Variants in COL26A1 observed in about 807,000 individuals in gnomAD.
COL26A1 encodes the protein collagen type XXVI alpha 1 chain, also known as collagen alpha-1(XXVI) chain.
In COL26A1, 41 loss-of-function variants were observed where a neutral mutation model predicts 59.3. The observed-to-expected ratio is 0.69, with a 90% CI of 0.54 to 0.90. COL26A1 has a LOEUF of 0.90. COL26A1 is among the 40% of genes least tolerant of loss of function. The pLI is 0.00. For synonymous variants in COL26A1, 266 were observed against 256.0 expected (o/e 1.04, Z -0.37); for missense variants, 612 against 602.3 (o/e 1.02, Z -0.17).
chr7:101,374,112 C>T (rs1469356735), intron 1 of COL26A1, among the ~76,000 whole-genome samples: 1 of 152,322 alleles, frequency 6.6e-6, no homozygotes, highest in Non-Finnish European at 1.5e-5. Context: ...CATACACATG[C>T]CGTGCTGTTC....
At chr7:101,398,015 G>T (rs1791899980) in intron 1 of COL26A1, among the ~76,000 whole-genome samples, 1 of 152,118 alleles carries the variant, frequency 6.6e-6, no homozygotes, top group Non-Finnish European at 1.5e-5. Context: ...GAATAGCTTT[G>T]CCTGTCCTTG....
intron 3 of COL26A1, among the ~76,000 whole-genome samples, chr7:101,513,320 ATTTATT>A: frequency 6.7e-6 from 1 of 149,460 alleles, no homozygotes; most frequent in East Asian, 2.0e-4. Context: ...TATTTATTTT[ATTTATT>A]TTTATTTTTA....
At chr7:101,554,567 TAAAAAAAAAAAA>T (rs57638079) in intron 11 of COL26A1, among the ~76,000 whole-genome samples, 2 of 120,510 alleles carry the variant, frequency 1.7e-5, no homozygotes, top group East Asian at 5.0e-4. Flanking sequence ...CCCCATTTCT[TAAAAAAAAAAAA>T]AAAAAAAAAA....
chr7:101,554,638 GGAGGCT>G (rs993455820), intron 11 of COL26A1, among the ~76,000 whole-genome samples: 6 of 151,484 alleles, frequency 4.0e-5, no homozygotes, highest in Non-Finnish European at 7.4e-5. Context: ...CAGCTACTTG[GGAGGCT>G]GAGGCAGGAG....
chr7:101,495,877 C>G (rs796193457), intron 3 of COL26A1, among the ~76,000 whole-genome samples: 2 of 151,380 alleles, frequency 1.3e-5, no homozygotes, highest in African/African-American at 4.8e-5. Context: ...GATGATCACA[C>G]GAACCCAGGA....
chr7:101,446,054 A>AAAAAAAAAAAAAAAAAG (rs1793187447), intron 2 of COL26A1, among the ~76,000 whole-genome samples: 1 of 149,258 alleles, frequency 6.7e-6, no homozygotes, highest in Non-Finnish European at 1.5e-5. Context: ...CTCAAAAAAA[A>AAAAAAAAAAAAAAAAAG]AAAAAAAAAA....
intron 8 of COL26A1, among the ~76,000 whole-genome samples, chr7:101,548,838 G>A (rs62465113): frequency 0.15 from 22,664 of 152,114 alleles, 2,051 homozygotes; most frequent in Middle Eastern, 0.24. Flanking sequence ...GGGAAAGACC[G>A]GAGAGACGTA....
chr7:101,469,495 C>CTTT (rs36116265), intron 3 of COL26A1, among the ~76,000 whole-genome samples: 13 of 145,204 alleles, frequency 9.0e-5, no homozygotes, highest in African/African-American at 3.3e-4. Context: ...CGATTTCTCT[C>CTTT]TTTTTTTTTT....
chr7:101,557,347 C>A (rs11768650), intron 12 of COL26A1, 23 bp from the exon 13 acceptor site: 291,394 of 1,598,622 alleles, frequency 0.18, 28,444 homozygotes, highest in South Asian at 0.25. Flanking sequence ...TACCTCGAGT[C>A]CACCCTCCTG....
intron 1 of COL26A1, among the ~76,000 whole-genome samples, chr7:101,391,609 G>A (rs899060552): frequency 2.6e-5 from 4 of 152,224 alleles, no homozygotes; most frequent in Admixed American, 6.5e-5. Context: ...GCCCAGGCTG[G>A]AGTGCAGTGG....
At chr7:101,522,400 A>G (rs1795156827) in intron 3 of COL26A1, among the ~76,000 whole-genome samples, 1 of 152,166 alleles carries the variant, frequency 6.6e-6, no homozygotes. Context: ...TGGGTAATTT[A>G]TAAGGAACAG....
chr7:101,380,720 C>T (rs1403507380), intron 1 of COL26A1, among the ~76,000 whole-genome samples: 1 of 152,158 alleles, frequency 6.6e-6, no homozygotes, highest in East Asian at 1.9e-4. Flanking sequence ...AACTCCTGCC[C>T]AGACTTTAGA....
chr7:101,490,962 G>A (rs1794444622), intron 3 of COL26A1, among the ~76,000 whole-genome samples: 2 of 139,434 alleles, frequency 1.4e-5, no homozygotes, highest in African/African-American at 5.7e-5. Flanking sequence ...TCCAGCCTAG[G>A]GACAGAGAAT....
chr7:101,534,566 A>G (rs1328842222), intron 4 of COL26A1, among the ~76,000 whole-genome samples: 1 of 152,070 alleles, frequency 6.6e-6, no homozygotes, highest in African/African-American at 2.4e-5. Context: ...AGGGACACAC[A>G]TATGTAATAC....
At chr7:101,374,173 C>T (rs533246341) in intron 1 of COL26A1, among the ~76,000 whole-genome samples, 25 of 152,316 alleles carry the variant, frequency 1.6e-4, no homozygotes, top group Admixed American at 1.0e-3. Flanking sequence ...GGCCTTGTCT[C>T]TACCTGCCTC....
chr7:101,480,712 AG>A (rs1330192681), intron 3 of COL26A1, among the ~76,000 whole-genome samples: 1 of 152,112 alleles, frequency 6.6e-6, no homozygotes, highest in African/African-American at 2.4e-5. Flanking sequence ...CATGTAGCCC[AG>A]GCTGGTCTCG....
At chr7:101,476,512 G>A (rs1794050013) in intron 3 of COL26A1, among the ~76,000 whole-genome samples, 1 of 151,920 alleles carries the variant, frequency 6.6e-6, no homozygotes, top group Non-Finnish European at 1.5e-5. Context: ...GAAAAAACCG[G>A]GTTGGTTAAC....
intron 3 of COL26A1, among the ~76,000 whole-genome samples, chr7:101,527,056 C>T (rs551901986): frequency 6.6e-6 from 1 of 152,104 alleles, no homozygotes; most frequent in South Asian, 2.1e-4. Flanking sequence ...CTGCAGCCTC[C>T]ACCTCCCAGG....
intron 1 of COL26A1, among the ~76,000 whole-genome samples, chr7:101,378,135 T>A (rs908080907): frequency 3.3e-5 from 5 of 152,110 alleles, no homozygotes; most frequent in African/African-American, 1.2e-4. Flanking sequence ...ATCCCAGCAC[T>A]TTGGGAGACT....
Sources: gnomAD v4.1 joint callset for allele counts (sites outside exome capture counted in the v4.1 genomes callset) on GRCh38, gnomAD v4.1.1 for gene constraint, MANE v1.5 for transcripts, NCBI Gene and HGNC (gene_info 2026-07-23, HGNC 2026-07-21) for gene names.